PTPN13: variants seen among roughly 807,000 people sequenced by gnomAD.
PTPN13 encodes the protein tyrosine-protein phosphatase non-receptor type 13.
A neutral mutation model predicts 284.0 loss-of-function variants in PTPN13; 191 were observed. The observed-to-expected ratio is 0.67, with a 90% confidence interval of 0.60 to 0.76. PTPN13 has a LOEUF of 0.76. PTPN13 is among the 30% of genes least tolerant of loss of function. The pLI is 0.00. For missense variants in PTPN13, 2,797 were observed against 2,939.9 expected, an observed-to-expected ratio of 0.95 and a Z score of 1.12; for synonymous variants, 986 against 1,022.3, an observed-to-expected ratio of 0.96 and a Z score of 0.68.
intron 6 of PTPN13, 58 bp from the exon 7 acceptor site, chr4:86,701,183 C>T (rs1284927643): frequency 8.5e-6 from 11 of 1,295,710 alleles, no homozygotes; most frequent in East Asian, 2.4e-5. Flanking sequence ...TAGTGGATTA[C>T]ATTTCCATTT....
intron 5 of PTPN13, among the ~76,000 whole-genome samples, chr4:86,693,257 G>A (rs1382690212): frequency 1.3e-5 from 2 of 152,076 alleles, no homozygotes; most frequent in Non-Finnish European, 2.9e-5. Flanking sequence ...GTAGTTAGTG[G>A]TTGGGGAAAA....
intron 2 of PTPN13, among the ~76,000 whole-genome samples, chr4:86,641,727 C>A (rs1027101873): frequency 6.6e-6 from 1 of 152,120 alleles, no homozygotes; most frequent in East Asian, 1.9e-4. Context: ...AGTTTTGTTG[C>A]CTTGTGGTTA....
chr4:86,710,193 C>T (rs1565381924), intron 7 of PTPN13, among the ~76,000 whole-genome samples: 1 of 152,034 alleles, frequency 6.6e-6, no homozygotes, highest in African/African-American at 2.4e-5. Flanking sequence ...TTGTTAGGAC[C>T]CATATCTTTA....
chr4:86,610,697 C>T (rs974271520), intron 1 of PTPN13, among the ~76,000 whole-genome samples: 1 of 152,190 alleles, frequency 6.6e-6, no homozygotes, highest in African/African-American at 2.4e-5. Flanking sequence ...TGCAAATTTA[C>T]ACTTTTGCAA....
At chr4:86,722,186 T>TC (rs1254975381) in intron 9 of PTPN13, 26 bp from the exon 10 acceptor site, 1 of 1,568,606 alleles carries the variant, frequency 6.4e-7, no homozygotes, top group East Asian at 2.2e-5. Context: ...CTCCCAATCC[T>TC]CACCTGTCTC....
At chr4:86,763,825 C>T (rs961016418) in intron 24 of PTPN13, among the ~76,000 whole-genome samples, 4 of 151,754 alleles carry the variant, frequency 2.6e-5, no homozygotes, top group Non-Finnish European at 5.9e-5. Context: ...GTGGGAGGAT[C>T]GCTTAAGCCC....
chr4:86,646,325 T>G (rs1378127416), intron 2 of PTPN13, among the ~76,000 whole-genome samples: 1 of 143,014 alleles, frequency 7.0e-6, no homozygotes, highest in Non-Finnish European at 1.5e-5. Flanking sequence ...AAAGACAGAA[T>G]CTCCCTCTGT....
At chr4:86,792,247 G>A (rs1304273160) in intron 40 of PTPN13, among the ~76,000 whole-genome samples, 1 of 152,140 alleles carries the variant, frequency 6.6e-6, no homozygotes, top group Non-Finnish European at 1.5e-5. Context: ...TCAAGTAGAA[G>A]AAAGGATATC....
Position 86,717,123 on chromosome 4 carries a change from T to C in PTPN13, c.1385+6T>C, listed in dbSNP as rs1430007456. Reference sequence around the variant, plus strand: ...GGCCAGTCACAGAGACCGAGGTATGTCATGAAAAAGTAGTGATGATACATT... The same window carrying C: ...GGCCAGTCACAGAGACCGAGGTATGCCATGAAAAAGTAGTGATGATACATT... On this transcript the variant is annotated splice_donor_region_variant and intron_variant, in intron 9 of 47. Coordinates refer to ENST00000411767, the MANE Select transcript of PTPN13 (RefSeq NM_080683.3). 1.9e-6 allele frequency: 3 copies of C among 1,596,008 alleles called. No homozygotes were observed. The African/African-American group carries it at 4.0e-5, about 21-fold the overall frequency.
At position 86,778,966 on chromosome 4, in the gene PTPN13, G is replaced by C. The variant is rs558381315; in HGVS notation, c.5892-1436G>C. Among the ~76,000 whole-genome samples the C allele has an allele frequency of 4.6e-5, 7 of 150,878 alleles. No individual in the cohort carries two copies. In the East Asian group the frequency reaches 1.4e-3, roughly 29 times the overall value. ...AGATATCAACTGCCAGCCTGGAGAAGGTGATAGTCCAAGTGTGCAACAGCT... is the reference window on the plus strand; with the variant it reads ...AGATATCAACTGCCAGCCTGGAGAACGTGATAGTCCAAGTGTGCAACAGCT... On this transcript the variant is annotated intron_variant, in intron 35 of 47. Coordinates refer to ENST00000411767, the MANE Select transcript of PTPN13 (RefSeq NM_080683.3).
intron 2 of PTPN13, among the ~76,000 whole-genome samples, chr4:86,666,828 G>A (rs1311849386): frequency 6.6e-6 from 1 of 152,110 alleles, no homozygotes; most frequent in African/African-American, 2.4e-5. Context: ...CTTTCCACTT[G>A]GCTGGCACCA....
chr4:86,683,221 A>G (rs1210666346), intron 3 of PTPN13, among the ~76,000 whole-genome samples: 1 of 152,022 alleles, frequency 6.6e-6, no homozygotes, highest in Non-Finnish European at 1.5e-5. Flanking sequence ...TCGTGCAATT[A>G]TGAAGGCTCA....
At chr4:86,778,867 T>G (rs569332243) in intron 35 of PTPN13, among the ~76,000 whole-genome samples, 1 of 152,062 alleles carries the variant, frequency 6.6e-6, no homozygotes, top group African/African-American at 2.4e-5. Context: ...TGTGTTTCCC[T>G]TAGAGATTTT....
intron 9 of PTPN13, among the ~76,000 whole-genome samples, chr4:86,718,754 A>G (rs1040762745): frequency 5.3e-5 from 8 of 152,108 alleles, no homozygotes; most frequent in African/African-American, 1.7e-4. Context: ...CCTGGCCTAA[A>G]GGTCCACTTT....
At chr4:86,773,080 T>C (rs1740188527) in intron 32 of PTPN13, 122 bp downstream of exon 32, 2 of 683,112 alleles carry the variant, frequency 2.9e-6, no homozygotes, top group East Asian at 5.8e-5. Context: ...GTCTAATAAA[T>C]GGATAACATA....
chr4:86,609,570 C>T (rs1765081471), intron 1 of PTPN13, among the ~76,000 whole-genome samples: 1 of 152,080 alleles, frequency 6.6e-6, no homozygotes, highest in Non-Finnish European at 1.5e-5. Flanking sequence ...AAGCTCTTGG[C>T]TTTTGAAAAG....
intron 1 of PTPN13, among the ~76,000 whole-genome samples, chr4:86,620,412 G>A (rs1376833099): frequency 1.3e-5 from 2 of 152,092 alleles, no homozygotes; most frequent in African/African-American, 4.8e-5. Context: ...GTCCACTCTG[G>A]TCTCCCCAAA....
intron 2 of PTPN13, among the ~76,000 whole-genome samples, chr4:86,635,718 C>T (rs983121653): frequency 2.6e-5 from 4 of 152,238 alleles, no homozygotes; most frequent in African/African-American, 9.6e-5. Flanking sequence ...GTTCCCAGCA[C>T]TTTGGGAGGC....
chr4:86,702,829 C>A (rs1383053379), intron 7 of PTPN13, among the ~76,000 whole-genome samples: 1 of 151,984 alleles, frequency 6.6e-6, no homozygotes, highest in African/African-American at 2.4e-5. Context: ...TAGGACATAG[C>A]TGATTAAAGA....
Sources: gnomAD v4.1 joint callset for allele counts (sites outside exome capture counted in the v4.1 genomes callset) on GRCh38, gnomAD v4.1.1 for gene constraint, MANE v1.5 for transcripts, NCBI Gene and HGNC (gene_info 2026-07-23, HGNC 2026-07-21) for gene names.